The following CALCRL variants were observed in gnomAD, a reference collection of about 807,000 sequenced individuals.
CALCRL encodes the protein calcitonin receptor like receptor, also known as calcitonin gene-related peptide type 1 receptor.
Under a neutral mutation model 60.4 loss-of-function variants are expected in CALCRL, and 27 were observed. The observed-to-expected ratio is 0.45, with a 90% confidence interval of 0.33 to 0.62. The LOEUF is 0.62. CALCRL is among the 20% of genes least tolerant of loss of function. The probability of loss-of-function intolerance (pLI) is 0.03; values close to 1 mark genes in which losing one functional copy is unlikely to be tolerated. For missense variants in CALCRL, 424 were observed against 540.7 expected (o/e 0.78, Z 2.14); for synonymous variants, 190 against 182.6 (o/e 1.04, Z -0.33).
chr2:187,421,836 C>G (rs903742188), intron 1 of CALCRL, among the ~76,000 whole-genome samples: 4 of 152,192 alleles, frequency 2.6e-5, no homozygotes, highest in Non-Finnish European at 5.9e-5. Flanking sequence ...TGAGCCTTTA[C>G]ATTCTCATCG....
chr2:187,390,878 T>C (rs1179530321), intron 1 of CALCRL, among the ~76,000 whole-genome samples: 2 of 152,152 alleles, frequency 1.3e-5, no homozygotes, highest in Non-Finnish European at 2.9e-5. Flanking sequence ...ACCTGTACAC[T>C]CCATGAGATC....
At chr2:187,431,767 A>AG (rs1266156808) in intron 1 of CALCRL, among the ~76,000 whole-genome samples, 2 of 150,894 alleles carry the variant, frequency 1.3e-5, no homozygotes, top group Non-Finnish European at 3.0e-5. Context: ...AGGAGAAAAA[A>AG]AAAGAAACAA....
Position 187,346,345 on chromosome 2 carries a change from T to G in CALCRL, c.1225A>C (p.Ser409Arg), listed in dbSNP as rs961556216. The G allele has an allele frequency of 6.2e-7, 1 of 1,612,420 alleles. No individual in the cohort carries two copies. The highest frequency in any genetic ancestry group is 1.1e-5 in the South Asian group (1 of 91,020). ...CGAAGAGCTTCTGAGTTGGAAAAGC[T>G]GTTTCCAAATTGGATTTTGTATTGA... The part of the protein sequence containing the change: ...WNQYKIQFGN[S>R]FSNSEALRSA... Residue 409 changes from serine (S) to arginine (R), a missense_variant, in exon 15 of 15, where the codon AGC (serine) becomes CGC (arginine). Coordinates refer to ENST00000392370, the MANE Select transcript of CALCRL (RefSeq NM_005795.6).
chr2:187,356,678 C>G (rs914271935), intron 12 of CALCRL, among the ~76,000 whole-genome samples: 1 of 152,148 alleles, frequency 6.6e-6, no homozygotes, highest in African/African-American at 2.4e-5. Context: ...AACTAAAGAG[C>G]TTCTGCACAG....
chr2:187,369,917 A>G (rs1162946570), intron 8 of CALCRL, among the ~76,000 whole-genome samples: 2 of 152,180 alleles, frequency 1.3e-5, no homozygotes, highest in Non-Finnish European at 2.9e-5. Flanking sequence ...TCTGAGGGGC[A>G]AGAACAGGCC....
At position 187,344,391 on chromosome 2, in the gene CALCRL, A is replaced by G. The variant is rs374628410; in HGVS notation, c.*1793T>C. ...TATTGACATATTGACAGCTTAAGAA[A>G]CAACTTATGATGAGTAATTTGTTTC... On this transcript the variant is annotated 3_prime_UTR_variant, in exon 15 of 15. Coordinates refer to ENST00000392370, the MANE Select transcript of CALCRL (RefSeq NM_005795.6). 2.0e-5 allele frequency: 3 copies of G among 151,766 alleles called. No individual in the cohort carries two copies. The South Asian group carries it at 6.2e-4, about 31-fold the overall frequency. The allele number at this position is 151,766 out of a possible 1,614,324, so 9.4% of individuals were successfully genotyped here.
At chr2:187,387,968 A>C (rs1688276447) in intron 1 of CALCRL, among the ~76,000 whole-genome samples, 1 of 152,070 alleles carries the variant, frequency 6.6e-6, no homozygotes. Context: ...TGAATTATAG[A>C]TCTATATTAT....
At position 187,378,983 on chromosome 2, in the gene CALCRL, T is replaced by C. The variant is rs1687880132; in HGVS notation, c.457A>G (p.Ile153Val). The change falls in exon 8 of 15, where the codon ATT becomes GTT. Residue 153 changes from isoleucine to valine, a missense_variant. Coordinates refer to ENST00000392370, the MANE Select transcript of CALCRL (RefSeq NM_005795.6). Reference protein sequence around the residue: ...YLTIIGHGLSIASLLISLGIF... With the variant: ...YLTIIGHGLSVASLLISLGIF... ...CCAAGCGAGATAAGCAGTGATGCAA[T>C]AGACAATCCGTGTCCAATTATGGTC... 1 of 1,608,378 alleles carries C rather than the reference T, an allele frequency of 6.2e-7. No individual in the cohort carries two copies. The highest frequency in any genetic ancestry group is 1.3e-5 in the African/African-American group (1 of 74,844).
intron 8 of CALCRL, among the ~76,000 whole-genome samples, chr2:187,372,231 C>G (rs1687558996): frequency 6.6e-6 from 1 of 151,574 alleles, no homozygotes; most frequent in South Asian, 2.1e-4. Context: ...AAAGATGAAG[C>G]CTTTTGTCTA....
At chr2:187,411,978 C>CAAAA (rs56075258) in intron 1 of CALCRL, among the ~76,000 whole-genome samples, 7 of 61,460 alleles carry the variant, frequency 1.1e-4, no homozygotes, top group East Asian at 4.4e-4. Context: ...GACTCTGTCT[C>CAAAA]AAAAAAAAAA....
chr2:187,405,960 GGTGTGTGTGTGTGT>G (rs3079520), intron 1 of CALCRL, among the ~76,000 whole-genome samples: 3 of 146,716 alleles, frequency 2.0e-5, no homozygotes, highest in East Asian at 2.0e-4. Flanking sequence ...TGTATGTAGG[GGTGTGTGTGTGTGT>G]GTGTGTGTGT....
intron 8 of CALCRL, among the ~76,000 whole-genome samples, chr2:187,367,201 A>G (rs1225148437): frequency 1.3e-5 from 2 of 152,122 alleles, no homozygotes; most frequent in East Asian, 1.9e-4. Flanking sequence ...GTCAAACTAG[A>G]TAGTCCACCC....
At position 187,346,194 on chromosome 2, in the gene CALCRL, A is replaced by G; in HGVS notation, c.1376T>C (p.Leu459Ser). The change falls in exon 15 of 15, where the codon TTA becomes TCA. Residue 459 changes from leucine to serine, a missense_variant. By Grantham distance (145) the Leu-to-Ser change is moderately radical. Coordinates refer to ENST00000392370, the MANE Select transcript of CALCRL (RefSeq NM_005795.6). Reference protein sequence around the residue: ...IENVLLKPENLYN With the variant: ...IENVLLKPENSYN ...ACCATCCTTCTATTTTCAATTATATAAATTTTCTGGTTTTAAGAGAACATT... is the reference window on the plus strand; with the variant it reads ...ACCATCCTTCTATTTTCAATTATATGAATTTTCTGGTTTTAAGAGAACATT... The G allele has an allele frequency of 6.3e-7, 1 of 1,591,884 alleles. No individual in the cohort carries two copies. Among genetic ancestry groups the G allele is most frequent in the South Asian group, 1.1e-5 (1 of 89,700 alleles).
chr2:187,407,038 AT>A (rs1263495404), intron 1 of CALCRL, among the ~76,000 whole-genome samples: 1 of 152,018 alleles, frequency 6.6e-6, no homozygotes, highest in Non-Finnish European at 1.5e-5. Flanking sequence ...AATAGGCTGA[AT>A]GTGCCTTTTG....
chr2:187,441,714 A>G (rs974477250), intron 1 of CALCRL, among the ~76,000 whole-genome samples: 4 of 152,036 alleles, frequency 2.6e-5, no homozygotes, highest in Admixed American at 1.3e-4. Flanking sequence ...ATATACTGCA[A>G]TATTACCAGA....
chr2:187,349,508 A>G (rs890119174), intron 14 of CALCRL, among the ~76,000 whole-genome samples: 3 of 151,624 alleles, frequency 2.0e-5, no homozygotes, highest in Non-Finnish European at 4.4e-5. Context: ...GGAAAAAGTA[A>G]GAGGCATTGA....
chr2:187,402,382 T>A (rs950754092), intron 1 of CALCRL, among the ~76,000 whole-genome samples: 1 of 151,482 alleles, frequency 6.6e-6, no homozygotes, highest in Non-Finnish European at 1.5e-5. Flanking sequence ...ATTGATCAGC[T>A]GGAATGATGC....
In CALCRL at chr2:187,346,267, C is replaced by G; in HGVS notation, c.1303G>C (p.Asp435His). The change falls in exon 15 of 15, where the codon GAC becomes CAC. Residue 435 changes from aspartate to histidine, a missense_variant. This residue lies in a region of CALCRL where 222 missense variants were observed against 265.6 expected (regional missense o/e 0.84). Coordinates refer to ENST00000392370, the MANE Select transcript of CALCRL (RefSeq NM_005795.6). Reference sequence around the variant, plus strand: ...CCATTTAAGTGTTCACTAGGACAGTCATGACTATAACCTGGACCATCACTG... The same window carrying G: ...CCATTTAAGTGTTCACTAGGACAGTGATGACTATAACCTGGACCATCACTG... The part of the protein sequence containing the change: ...TISDGPGYSH[D>H]CPSEHLNGKS... 1 of 1,612,352 alleles carries G rather than the reference C, an allele frequency of 6.2e-7. No homozygotes were observed. The highest frequency in any genetic ancestry group is 8.5e-7 in the Non-Finnish European group (1 of 1,178,924).
intron 8 of CALCRL, among the ~76,000 whole-genome samples, chr2:187,376,044 G>T (rs1687743254): frequency 6.6e-6 from 1 of 151,962 alleles, no homozygotes; most frequent in Admixed American, 6.6e-5. Context: ...TATATATTTT[G>T]ATTAAAAAGA....
Sources: allele counts gnomAD v4.1 joint callset (sites outside exome capture counted in the v4.1 genomes callset), GRCh38; gene constraint gnomAD v4.1.1; regional missense constraint gnomAD v4.1.1; transcripts MANE v1.5; gene names NCBI Gene and HGNC (gene_info 2026-07-23, HGNC 2026-07-21).